DNAH7: variants seen among roughly 807,000 people sequenced by gnomAD.
DNAH7 encodes axonemal beta dynein heavy chain 7.
In DNAH7, 397 loss-of-function variants were observed where a neutral mutation model predicts 444.6. The observed-to-expected ratio is 0.89, with a 90% CI of 0.82 to 0.97. The LOEUF is 0.97. Among genes scored for constraint, DNAH7 ranks in the 50% least tolerant of loss-of-function variants. The pLI is 0.00. For missense variants in DNAH7, 4,902 were observed against 4,800.8 expected (o/e 1.02, Z -0.62); for synonymous variants, 1,636 against 1,624.4 (o/e 1.01, Z -0.17).
chr2:195,976,747 CAGAGAGAGAGAG>C (rs60653466), intron 15 of DNAH7, among the ~76,000 whole-genome samples: 49 of 90,616 alleles, frequency 5.4e-4, no homozygotes, highest in South Asian at 4.4e-3. Flanking sequence ...GAGAGGCAGA[CAGAGAGAGAGAG>C]AGAGAGAGAG....
chr2:195,912,974 A>T (rs1441933023), intron 24 of DNAH7, among the ~76,000 whole-genome samples: 2 of 152,178 alleles, frequency 1.3e-5, no homozygotes, highest in Non-Finnish European at 2.9e-5. Context: ...CTGTAAGTGG[A>T]CTTTTATTAT....
intron 35 of DNAH7, among the ~76,000 whole-genome samples, chr2:195,883,145 C>T (rs1037711917): frequency 2.6e-5 from 4 of 151,980 alleles, no homozygotes; most frequent in Non-Finnish European, 4.4e-5. Context: ...AGGAAAGGAA[C>T]CATTAAGAAT....
At chr2:196,059,038 T>C (rs966728158) in intron 1 of DNAH7, among the ~76,000 whole-genome samples, 2 of 152,158 alleles carry the variant, frequency 1.3e-5, no homozygotes, top group Non-Finnish European at 2.9e-5. Context: ...TTATGGGCAA[T>C]TGATTTTTCA....
intron 5 of DNAH7, among the ~76,000 whole-genome samples, chr2:196,040,724 C>A (rs1368011256): frequency 6.6e-6 from 1 of 151,754 alleles, no homozygotes; most frequent in Non-Finnish European, 1.5e-5. Flanking sequence ...TTAGCCAGAG[C>A]AATTACACAA....
intron 21 of DNAH7, among the ~76,000 whole-genome samples, chr2:195,933,919 T>C (rs1440109904): frequency 6.6e-6 from 1 of 151,988 alleles, no homozygotes; most frequent in African/African-American, 2.4e-5. Context: ...AAAATAAAAA[T>C]TTAAAATTAA....
intron 14 of DNAH7, among the ~76,000 whole-genome samples, chr2:195,985,707 G>A (rs1171704188): frequency 6.6e-6 from 1 of 152,176 alleles, no homozygotes; most frequent in Admixed American, 6.5e-5. Context: ...ACTGGCACAA[G>A]CTCAGAGAAC....
intron 30 of DNAH7, 43 bp downstream of exon 30, chr2:195,894,933 A>G (rs1161964030): frequency 6.5e-7 from 1 of 1,526,852 alleles, no homozygotes; most frequent in African/African-American, 1.4e-5. Context: ...TACCTTGCAC[A>G]AAGTCAATTA....
chr2:196,029,137 A>T (rs908720334), intron 5 of DNAH7, among the ~76,000 whole-genome samples: 2 of 152,226 alleles, frequency 1.3e-5, no homozygotes, highest in Admixed American at 6.5e-5. Context: ...AACTACAAAT[A>T]TAACCTCATT....
intron 47 of DNAH7, among the ~76,000 whole-genome samples, chr2:195,839,697 A>G (rs1698567181): frequency 6.6e-6 from 1 of 151,744 alleles, no homozygotes; most frequent in South Asian, 2.1e-4. Flanking sequence ...TACAGACCCT[A>G]CAGACATTAA....
intron 36 of DNAH7, among the ~76,000 whole-genome samples, chr2:195,881,292 CA>C (rs1364853341): frequency 6.6e-6 from 1 of 152,172 alleles, no homozygotes; most frequent in Non-Finnish European, 1.5e-5. Context: ...GAGGGGCCCT[CA>C]AAAGTATCTT....
chr2:195,864,365 C>T lies in DNAH7; in HGVS notation c.7290G>A (p.Lys2430=), dbSNP rs1436616798. ...EIPNLFALDE[K]QEICDKMRQL... ...GACGCATCTTATCACATATCTCTTG[C>T]TTCTCATCTAATGCAAAGAGATTTG... The change falls in exon 41 of 65, where the codon AAG becomes AAA. Residue 2430 remains lysine, a synonymous_variant. Coordinates refer to ENST00000312428, the MANE Select transcript of DNAH7 (RefSeq NM_018897.3). 6.2e-7 allele frequency: 1 copy of T among 1,614,032 alleles called. No individual in the cohort carries two copies. Among genetic ancestry groups the T allele is most frequent in the Non-Finnish European group, 8.5e-7 (1 of 1,180,032 alleles).
At chr2:196,016,738 GA>G (rs1402127224) in intron 9 of DNAH7, among the ~76,000 whole-genome samples, 1 of 151,734 alleles carries the variant, frequency 6.6e-6, no homozygotes, top group African/African-American at 2.4e-5. Context: ...AAGAGGGGAG[GA>G]AAAAATAAAC....
intron 12 of DNAH7, among the ~76,000 whole-genome samples, chr2:196,000,440 T>A (rs1176909109): frequency 6.6e-6 from 1 of 152,166 alleles, no homozygotes; most frequent in Non-Finnish European, 1.5e-5. Flanking sequence ...CAGTAAACAC[T>A]CATTGGCTGC....
rs145374613 is a variant in DNAH7, at chr2:195,805,722, A to G, written c.10176+1018T>C. ...TTCTGATTTTAAAAGAAACTACAACATTTTCATAGACCCCTGGAAGTATTC... is the reference window on the plus strand; with the variant it reads ...TTCTGATTTTAAAAGAAACTACAACGTTTTCATAGACCCCTGGAAGTATTC... On this transcript the variant is annotated intron_variant, in intron 54 of 64. Transcript: ENST00000312428. 9.4e-3 allele frequency among the ~76,000 whole-genome samples: 1,434 copies of G among 152,202 alleles called. 26 individuals carry two copies. Among genetic ancestry groups the G allele is most frequent in the African/African-American group, 0.033 (1,366 of 41,500 alleles).
At chr2:196,033,705 G>A (rs1559354905) in intron 5 of DNAH7, among the ~76,000 whole-genome samples, 1 of 152,044 alleles carries the variant, frequency 6.6e-6, no homozygotes, top group Non-Finnish European at 1.5e-5. Context: ...TGGACAGTCA[G>A]GTTGATTACA....
chr2:195,895,245 G>A, intron 29 of DNAH7, 21 bp from the exon 30 acceptor site: 1 of 1,529,776 alleles, frequency 6.5e-7, no homozygotes, highest in Non-Finnish European at 8.9e-7. Context: ...ATGATTTGAA[G>A]GATTTACATT....
intron 5 of DNAH7, among the ~76,000 whole-genome samples, chr2:196,029,546 T>C (rs1695907838): frequency 6.6e-6 from 1 of 152,158 alleles, no homozygotes; most frequent in Non-Finnish European, 1.5e-5. Context: ...CAGCTTTTTA[T>C]TGATTACCTA....
intron 42 of DNAH7, 122 bp from the exon 43 acceptor site, chr2:195,858,926 G>T: frequency 2.7e-6 from 2 of 741,228 alleles, no homozygotes; most frequent in Non-Finnish European, 2.1e-6. Flanking sequence ...TGGTCTAAAA[G>T]ATTTTCATAT....
chr2:195,860,147 C>A (rs556788596), intron 42 of DNAH7, among the ~76,000 whole-genome samples: 3 of 152,126 alleles, frequency 2.0e-5, no homozygotes, highest in South Asian at 4.2e-4. Flanking sequence ...GACTTTCAAC[C>A]TGTAAGTTTG....
Sources: gnomAD v4.1 joint callset for allele counts (sites outside exome capture counted in the v4.1 genomes callset) on GRCh38, gnomAD v4.1.1 for gene constraint, MANE v1.5 for transcripts, NCBI Gene and HGNC (gene_info 2026-07-23, HGNC 2026-07-21) for gene names.